The following CSMD1 variants were observed in gnomAD, a reference collection of about 807,000 sequenced individuals.
CSMD1 encodes CUB and sushi domain-containing protein 1.
Under a neutral mutation model 417.5 loss-of-function variants are expected in CSMD1, and 213 were observed. That is an observed-to-expected ratio of 0.51 (90% CI 0.46 to 0.57). The LOEUF (loss-of-function observed/expected upper bound fraction) is 0.57, where lower values mean the gene tolerates loss of function less well. CSMD1 is among the 20% of genes least tolerant of loss of function. CSMD1 has a pLI of 0.00. For synonymous variants in CSMD1, 2,862 were observed against 1,736.8 expected (o/e 1.65, Z -16.11); for missense variants, 6,923 against 4,529.7 (o/e 1.53, Z -15.17).
intron 5 of CSMD1, among the ~76,000 whole-genome samples, chr8:3,965,800 G>C (rs1011005970): frequency 2.0e-5 from 3 of 151,902 alleles, no homozygotes; most frequent in African/African-American, 2.4e-5. Context: ...TGTACCTTTA[G>C]TAGAGATGGG....
intron 26 of CSMD1, among the ~76,000 whole-genome samples, chr8:3,233,378 C>G (rs1798961307): frequency 6.6e-6 from 1 of 152,230 alleles, no homozygotes; most frequent in African/African-American, 2.4e-5. Flanking sequence ...TCCAGAATCC[C>G]CACCAGCAAG....
intron 28 of CSMD1, among the ~76,000 whole-genome samples, chr8:3,221,219 G>C (rs1798192867): frequency 6.6e-6 from 1 of 152,112 alleles, no homozygotes; most frequent in South Asian, 2.1e-4. Context: ...ACCTGTTTTG[G>C]GTCAAGGATA....
intron 3 of CSMD1, among the ~76,000 whole-genome samples, chr8:4,155,090 C>T (rs576222190): frequency 5.3e-5 from 8 of 152,204 alleles, no homozygotes; most frequent in Non-Finnish European, 1.2e-4. Flanking sequence ...TGAACTCATG[C>T]AATGCCTACA....
intron 10 of CSMD1, among the ~76,000 whole-genome samples, chr8:3,508,354 T>C (rs1189980890): frequency 2.7e-5 from 4 of 149,682 alleles, no homozygotes; most frequent in East Asian, 2.0e-4. Flanking sequence ...CGGGGGCCTG[T>C]TATGGGGCAG....
chr8:4,147,658 G>C (rs1399588496), intron 3 of CSMD1, among the ~76,000 whole-genome samples: 1 of 152,082 alleles, frequency 6.6e-6, no homozygotes, highest in Non-Finnish European at 1.5e-5. Flanking sequence ...CTGAGTGCTG[G>C]CTCATGGGAA....
rs187181502 is a variant in CSMD1, at chr8:3,885,451, T to G, written c.818+112452A>C. ...ATGCTATCAATTATTTGAAAAAAGCTGAAGTACAAATTTCTGCTTTTCTCA... is the reference window on the plus strand; with the variant it reads ...ATGCTATCAATTATTTGAAAAAAGCGGAAGTACAAATTTCTGCTTTTCTCA... On this transcript the variant is annotated intron_variant, in intron 5 of 69. Transcript: ENST00000635120. Among the ~76,000 whole-genome samples, 321 of 152,286 alleles carry G rather than the reference T, an allele frequency of 2.1e-3. 9 individuals carry two copies. Among genetic ancestry groups the G allele is most frequent in the Non-Finnish European group, 2.1e-4 (14 of 68,022 alleles).
intron 2 of CSMD1, among the ~76,000 whole-genome samples, chr8:4,537,503 T>C (rs1051907797): frequency 3.9e-5 from 6 of 152,224 alleles, no homozygotes; most frequent in African/African-American, 1.2e-4. Context: ...AATTTGGAAC[T>C]GTATGTTATT....
intron 1 of CSMD1, among the ~76,000 whole-genome samples, chr8:4,989,542 T>C (rs1452051759): frequency 3.3e-5 from 5 of 152,236 alleles, no homozygotes. Context: ...ATACTTGACC[T>C]TTACTATGTG....
intron 3 of CSMD1, 59 bp downstream of exon 3, chr8:4,419,894 A>T: frequency 9.0e-7 from 1 of 1,114,194 alleles, no homozygotes; most frequent in Non-Finnish European, 1.3e-6. Flanking sequence ...AATCCAGTGT[A>T]GCATGTATTA....
At position 4,035,867 on chromosome 8, in the gene CSMD1, G is replaced by C. The variant is rs191010114; in HGVS notation, c.416-3768C>G. On this transcript the variant is annotated intron_variant, in intron 3 of 69. Coordinates refer to ENST00000635120, the MANE Select transcript of CSMD1 (RefSeq NM_033225.6). ...TTTATGAAGTCTACAGTCGTACATAGTCCCGTCCGAAGCCTTCACAGTCAC... is the reference window on the plus strand; with the variant it reads ...TTTATGAAGTCTACAGTCGTACATACTCCCGTCCGAAGCCTTCACAGTCAC... Among the ~76,000 whole-genome samples the C allele has an allele frequency of 2.6e-5, 4 of 152,244 alleles. No homozygotes were observed. In the East Asian group the frequency reaches 5.8e-4, roughly 22 times the overall value.
intron 26 of CSMD1, among the ~76,000 whole-genome samples, chr8:3,233,388 G>T (rs1051486823): frequency 6.6e-6 from 1 of 152,216 alleles, no homozygotes. Context: ...CCACCAGCAA[G>T]AGGGCCAGAT....
intron 11 of CSMD1, among the ~76,000 whole-genome samples, chr8:3,485,192 G>C (rs1817955350): frequency 1.3e-5 from 2 of 152,166 alleles, no homozygotes; most frequent in Admixed American, 6.5e-5. Flanking sequence ...ATAAACTGTG[G>C]AACATTCATA....
At chr8:4,748,602 T>C (rs562146069) in intron 1 of CSMD1, among the ~76,000 whole-genome samples, 2 of 152,252 alleles carry the variant, frequency 1.3e-5, no homozygotes, top group South Asian at 4.1e-4. Flanking sequence ...CGGGGAGAAA[T>C]CATAGTGTTT....
Position 2,970,776 on chromosome 8 carries a change from A to G in CSMD1, c.8923+2341T>C, listed in dbSNP as rs561178167. 5.9e-5 allele frequency among the ~76,000 whole-genome samples: 9 copies of G among 152,340 alleles called. No homozygotes were observed. In the South Asian group the frequency reaches 1.9e-3, roughly 32 times the overall value. The stretch of plus-strand genomic sequence containing the variant: ...CCAAAAGTCCCGAATGATAAATGCT[A>G]CAGATACATTAAGCTACTGTTAAAT... On this transcript the variant is annotated intron_variant, in intron 57 of 69. Transcript: ENST00000635120.
chr8:4,262,012 C>A (rs1803922194), intron 3 of CSMD1, among the ~76,000 whole-genome samples: 1 of 152,106 alleles, frequency 6.6e-6, no homozygotes, highest in South Asian at 2.1e-4. Context: ...TCTGAGACTG[C>A]TTAATCTTTA....
chr8:3,144,070 C>T (rs1338629003), intron 40 of CSMD1, among the ~76,000 whole-genome samples: 3 of 152,138 alleles, frequency 2.0e-5, no homozygotes, highest in African/African-American at 7.2e-5. Flanking sequence ...GCTTGGTGGG[C>T]ATCACGTAGG....
intron 1 of CSMD1, among the ~76,000 whole-genome samples, chr8:4,843,525 G>A (rs1297268078): frequency 6.6e-6 from 1 of 152,014 alleles, no homozygotes; most frequent in African/African-American, 2.4e-5. Flanking sequence ...CCCTATTTCT[G>A]CACCTCCAAG....
intron 44 of CSMD1, 45 bp downstream of exon 44, chr8:3,108,558 A>G: frequency 6.2e-7 from 1 of 1,600,606 alleles, no homozygotes; most frequent in Non-Finnish European, 8.5e-7. Flanking sequence ...AGGAAACACC[A>G]CATGGAATTC....
At chr8:3,580,645 G>C (rs9644273) in intron 9 of CSMD1, among the ~76,000 whole-genome samples, 1 of 152,038 alleles carries the variant, frequency 6.6e-6, no homozygotes, top group Admixed American at 6.6e-5. Context: ...AAAGCTTCAG[G>C]AGTCAGGAAA....
Sources: gnomAD v4.1 joint callset for allele counts (sites outside exome capture counted in the v4.1 genomes callset) on GRCh38, gnomAD v4.1.1 for gene constraint, MANE v1.5 for transcripts, NCBI Gene and HGNC (gene_info 2026-07-23, HGNC 2026-07-21) for gene names.